SYT16: variants seen among roughly 807,000 people sequenced by gnomAD.
SYT16 encodes the protein synaptotagmin-16.
Under a neutral mutation model 61.4 loss-of-function variants are expected in SYT16, and 42 were observed. The ratio of observed to expected loss-of-function variants is 0.68; its 90% CI spans 0.53 to 0.89. The LOEUF (loss-of-function observed/expected upper bound fraction) is 0.89, where lower values mean the gene tolerates loss of function less well. Ranked by LOEUF, SYT16 falls within the 40% of genes least tolerant of loss-of-function variation. SYT16 has a pLI of 0.00. For missense variants in SYT16, 804 were observed against 807.3 expected (o/e 1.00, Z 0.05); for synonymous variants, 314 against 302.3 (o/e 1.04, Z -0.40).
chr14:61,898,117 T>C (rs1010552128), intron 1 of SYT16, among the ~76,000 whole-genome samples: 2 of 152,182 alleles, frequency 1.3e-5, no homozygotes, highest in Admixed American at 1.3e-4. Flanking sequence ...CCGGGGCAAA[T>C]TGCAGAAAAT....
At chr14:62,018,578 A>G (rs1232948017) in intron 3 of SYT16, among the ~76,000 whole-genome samples, 1 of 151,966 alleles carries the variant, frequency 6.6e-6, no homozygotes, top group African/African-American at 2.4e-5. Flanking sequence ...AAGTGCTGGG[A>G]TTACAGGCAT....
chr14:62,073,552 T>G (rs979828647), intron 4 of SYT16, among the ~76,000 whole-genome samples: 2 of 152,188 alleles, frequency 1.3e-5, no homozygotes, highest in African/African-American at 2.4e-5. Flanking sequence ...CCCATAAAAG[T>G]GTTTCCAAGG....
At chr14:62,051,462 C>T (rs990372309) in intron 3 of SYT16, among the ~76,000 whole-genome samples, 4 of 152,150 alleles carry the variant, frequency 2.6e-5, no homozygotes, top group East Asian at 1.9e-4. Context: ...ATGTACGGTG[C>T]GCTGCACCCA....
chr14:62,081,392 T>A, intron 6 of SYT16, 118 bp downstream of exon 6: 2 of 1,158,124 alleles, frequency 1.7e-6, no homozygotes, highest in Non-Finnish European at 1.2e-6. Context: ...ATTTTCCATT[T>A]GGCTCTCCTC....
chr14:62,064,446 G>A (rs74054946), intron 3 of SYT16, among the ~76,000 whole-genome samples: 2,394 of 151,890 alleles, frequency 0.016, 55 homozygotes, highest in African/African-American at 0.056. Flanking sequence ...TGTTTGGTGC[G>A]ATGGTGGGCA....
In SYT16 at chr14:62,005,060, G is replaced by T. The variant is rs140515959; in HGVS notation, c.523+8518G>T. Among the ~76,000 whole-genome samples, 5 of 152,218 alleles carry T rather than the reference G, an allele frequency of 3.3e-5. No individual in the cohort carries two copies. In the South Asian group the frequency reaches 6.2e-4, roughly 19 times the overall value. On this transcript the variant is annotated intron_variant, in intron 3 of 7. Coordinates refer to ENST00000683842, the MANE Select transcript of SYT16 (RefSeq NM_001367656.1). ...TCTGGCATCAGGGATAGAAGTTCCA[G>T]TTCCTAGCTTGGCCTTGTCTGGCAT... is the stretch of plus-strand genomic sequence containing the variant.
At chr14:61,832,497 C>G (rs1366418732) in intron 1 of SYT16, 2 of 337,102 alleles carry the variant, frequency 5.9e-6, no homozygotes, top group Non-Finnish European at 1.2e-5. Flanking sequence ...GGCGCAGAGG[C>G]GTGATCTCAG....
intron 1 of SYT16, among the ~76,000 whole-genome samples, chr14:61,882,591 C>T (rs375318801): frequency 6.6e-6 from 1 of 152,166 alleles, no homozygotes; most frequent in Admixed American, 6.5e-5. Flanking sequence ...CAAACAATAT[C>T]ATTCCTCCCC....
At chr14:61,833,706 C>CTTTTTTTTTTTT (rs11357318) in intron 1 of SYT16, among the ~76,000 whole-genome samples, 3 of 48,356 alleles carry the variant, frequency 6.2e-5, no homozygotes, top group Non-Finnish European at 1.1e-4. Context: ...CCAGCAGTGG[C>CTTTTTTTTTTTT]TTTTTTTTTT....
chr14:62,094,962 A>G (rs2057221580), intron 7 of SYT16, among the ~76,000 whole-genome samples: 1 of 151,992 alleles, frequency 6.6e-6, no homozygotes, highest in African/African-American at 2.4e-5. Context: ...CATGCCTGCA[A>G]CCGGTTCTAG....
intron 2 of SYT16, among the ~76,000 whole-genome samples, chr14:61,988,451 A>G (rs2052411656): frequency 6.6e-6 from 1 of 152,180 alleles, no homozygotes; most frequent in East Asian, 1.9e-4. Flanking sequence ...CCTTGGATAG[A>G]ATAAATACTC....
intron 1 of SYT16, chr14:61,864,874 G>T: frequency 8.3e-7 from 1 of 1,203,356 alleles, no homozygotes; most frequent in Non-Finnish European, 1.2e-6. Context: ...CACCCCCGGC[G>T]GAGACAGTGA....
intron 1 of SYT16, among the ~76,000 whole-genome samples, chr14:61,869,209 T>A (rs1232830236): frequency 2.0e-5 from 3 of 152,096 alleles, no homozygotes; most frequent in Non-Finnish European, 4.4e-5. Context: ...AGTTGAGTAT[T>A]GTCCTTTTAT....
chr14:61,913,704 T>TTG (rs56758661), intron 1 of SYT16, among the ~76,000 whole-genome samples: 482 of 145,872 alleles, frequency 3.3e-3, no homozygotes, highest in African/African-American at 6.6e-3. Flanking sequence ...CTTTGGGTCT[T>TTG]TGTGTGTGTG....
At chr14:62,098,584 A>T (rs976689807) in intron 7 of SYT16, among the ~76,000 whole-genome samples, 1 of 152,220 alleles carries the variant, frequency 6.6e-6, no homozygotes, top group Non-Finnish European at 1.5e-5. Context: ...TTATTGCACA[A>T]GTTTGAAAAC....
intron 1 of SYT16, among the ~76,000 whole-genome samples, chr14:61,901,004 C>T (rs780431791): frequency 1.3e-5 from 2 of 152,138 alleles, no homozygotes; most frequent in Non-Finnish European, 1.5e-5. Context: ...AGTGTAGGTT[C>T]CTTGGTATGG....
intron 1 of SYT16, among the ~76,000 whole-genome samples, chr14:61,870,188 A>G (rs1203824017): frequency 6.6e-5 from 10 of 152,122 alleles, no homozygotes; most frequent in Non-Finnish European, 1.5e-5. Flanking sequence ...TAGATTTTGC[A>G]TGTCTGAAAA....
intron 3 of SYT16, among the ~76,000 whole-genome samples, chr14:62,016,072 T>C (rs2053662596): frequency 6.6e-6 from 1 of 152,170 alleles, no homozygotes; most frequent in South Asian, 2.1e-4. Context: ...TTCAGAAAAC[T>C]TGTCAATAGT....
chr14:61,933,310 A>G (rs1490920254), intron 1 of SYT16, among the ~76,000 whole-genome samples: 8 of 152,230 alleles, frequency 5.3e-5, no homozygotes, highest in Non-Finnish European at 1.0e-4. Flanking sequence ...GAAAGAAGGT[A>G]TCTGAATCTG....
Sources: allele counts gnomAD v4.1 joint callset (sites outside exome capture counted in the v4.1 genomes callset), GRCh38; gene constraint gnomAD v4.1.1; transcripts MANE v1.5; gene names NCBI Gene and HGNC (gene_info 2026-07-23, HGNC 2026-07-21).